The following NOVA1 variants were observed in gnomAD, a reference collection of about 807,000 sequenced individuals.
The protein encoded by NOVA1 is RNA-binding protein Nova-1.
NOVA1 carries 7 observed loss-of-function variants against 38.0 expected under a neutral mutation model. The ratio of observed to expected loss-of-function variants is 0.18; its 90% confidence interval spans 0.10 to 0.35. The LOEUF (loss-of-function observed/expected upper bound fraction) is 0.35, where lower values mean the gene tolerates loss of function less well. NOVA1 is among the 10% of genes least tolerant of loss of function. The probability of loss-of-function intolerance (pLI) is 1.00; values close to 1 mark genes in which losing one functional copy is unlikely to be tolerated. For synonymous variants in NOVA1, 270 were observed against 232.5 expected (o/e 1.16, Z -1.47); for missense variants, 460 against 616.0 (o/e 0.75, Z 2.68).
At chr14:26,514,005 T>A (rs1197453584) in intron 2 of NOVA1, among the ~76,000 whole-genome samples, 1 of 151,750 alleles carries the variant, frequency 6.6e-6, no homozygotes, top group African/African-American at 2.4e-5. Context: ...TTTATGAATG[T>A]AACATTCAAA....
In NOVA1 at chr14:26,448,877, C is replaced by T; in HGVS notation, c.606G>A (p.Gly202=). The change falls in exon 5 of 5, where the codon GGG becomes GGA. Residue 202 remains glycine, a synonymous_variant. Transcript: ENST00000539517. The surrounding 1 kb of genome is among the most constrained non-coding windows in gnomAD (Gnocchi z 5.3). ...GTTTCTGGGAAAGCTGCACCCAAGC[C>T]CCTGACTGCTCCATTACAGCCTTCA... is the stretch of plus-strand genomic sequence containing the variant. ...ATVKAVMEQS[G]AWVQLSQKPD... is the part of the protein sequence containing the mutation. 6.2e-7 allele frequency: 1 copy of T among 1,614,082 alleles called. No homozygotes were observed. Among genetic ancestry groups the T allele is most frequent in the East Asian group, 2.2e-5 (1 of 44,868 alleles).
At chr14:26,586,949 C>G (rs1594586185) in intron 2 of NOVA1, among the ~76,000 whole-genome samples, 1 of 141,946 alleles carries the variant, frequency 7.0e-6, no homozygotes, top group African/African-American at 2.6e-5. Flanking sequence ...CATTTTAAGA[C>G]TAGGAGAGAG....
Position 26,595,290 on chromosome 14 carries a change from C to T in NOVA1, c.280+120G>A, listed in dbSNP as rs961379493. On this transcript the variant is annotated intron_variant, in intron 2 of 4. Transcript: ENST00000539517. ...TTTTCCACAATATATTCCTATAAAG[C>T]AATATCTAAATAAAGTCTCCAGTAT... 13 of 924,534 alleles carry T rather than the reference C, an allele frequency of 1.4e-5. No homozygotes were observed. The African/African-American group carries it at 1.7e-4, about 12-fold the overall frequency. 57.3% of individuals were successfully genotyped at this position (924,534 alleles called of 1,614,324 possible). A position where few individuals can be genotyped will look rare whatever the true frequency, so the allele number is the denominator to read the frequency against.
intron 2 of NOVA1, among the ~76,000 whole-genome samples, chr14:26,561,653 GT>G (rs970909311): frequency 2.6e-5 from 4 of 151,986 alleles, no homozygotes; most frequent in African/African-American, 7.2e-5. Flanking sequence ...ATTGAACATA[GT>G]TTTTTTAAAC....
At chr14:26,578,291 T>C (rs1451891813) in intron 2 of NOVA1, among the ~76,000 whole-genome samples, 1 of 151,800 alleles carries the variant, frequency 6.6e-6, no homozygotes, top group African/African-American at 2.4e-5. Flanking sequence ...GGGCAACAAA[T>C]TTGAAGAATT....
At position 26,597,702 on chromosome 14, in the gene NOVA1, G is replaced by A; in HGVS notation, c.-266C>T. ...GAATGGAGGGGGTGTGAGAGACGGA[G>A]GGTGAAAGAAGAAGAAGAAAGGAGA... On this transcript the variant is annotated 5_prime_UTR_variant, in exon 1 of 5. Transcript: ENST00000539517. 8.7e-7 allele frequency: 1 copy of A among 1,149,412 alleles called. No homozygotes were observed. Among genetic ancestry groups the A allele is most frequent in the Non-Finnish European group, 1.1e-6 (1 of 938,344 alleles). 71.2% of individuals were successfully genotyped at this position (1,149,412 alleles called of 1,614,324 possible). A position where few individuals can be genotyped will look rare whatever the true frequency, so the allele number is the denominator to read the frequency against.
chr14:26,470,136 AT>A, intron 4 of NOVA1: 3 of 684,774 alleles, frequency 4.4e-6, no homozygotes, highest in Non-Finnish European at 5.6e-6. Flanking sequence ...TGTATTTTTT[AT>A]TTTTGGTTTT....
chr14:26,520,719 G>A (rs1056835535), intron 2 of NOVA1, among the ~76,000 whole-genome samples: 3 of 152,002 alleles, frequency 2.0e-5, no homozygotes, highest in African/African-American at 7.2e-5. Context: ...TTAGTGAGGG[G>A]ACAAATTTGC....
At chr14:26,593,572 G>A (rs537368530) in intron 2 of NOVA1, 1 of 151,896 alleles carries the variant, frequency 6.6e-6, no homozygotes, top group African/African-American at 2.4e-5. Flanking sequence ...ATTTGATCAG[G>A]TTACGTCACC....
intron 2 of NOVA1, among the ~76,000 whole-genome samples, chr14:26,585,850 C>T (rs1893484143): frequency 6.6e-6 from 1 of 151,250 alleles, no homozygotes; most frequent in Non-Finnish European, 1.5e-5. Context: ...TACCCTAACA[C>T]TTCTATGCAT....
intron 4 of NOVA1, among the ~76,000 whole-genome samples, chr14:26,465,252 G>T (rs1274534362): frequency 6.6e-6 from 1 of 152,080 alleles, no homozygotes; most frequent in Non-Finnish European, 1.5e-5. Context: ...TCAGCTCACT[G>T]GAACCTCCGC....
chr14:26,574,873 G>A (rs996371646), intron 2 of NOVA1, among the ~76,000 whole-genome samples: 2 of 151,920 alleles, frequency 1.3e-5, no homozygotes, highest in African/African-American at 2.4e-5. Context: ...TGTTGCCCAG[G>A]CTGGTCTGAA....
chr14:26,561,707 T>C (rs550673626), intron 2 of NOVA1, among the ~76,000 whole-genome samples: 3 of 152,340 alleles, frequency 2.0e-5, no homozygotes, highest in African/African-American at 4.8e-5. Flanking sequence ...TATTTTAAAT[T>C]TCAAGTATTT....
chr14:26,506,140 A>G (rs963306491), intron 2 of NOVA1, among the ~76,000 whole-genome samples: 1 of 152,252 alleles, frequency 6.6e-6, no homozygotes, highest in Non-Finnish European at 1.5e-5. Flanking sequence ...CCTTCTAATA[A>G]TGCAATGTTA....
chr14:26,565,985 G>T (rs1026526148), intron 2 of NOVA1, among the ~76,000 whole-genome samples: 1 of 152,120 alleles, frequency 6.6e-6, no homozygotes, highest in African/African-American at 2.4e-5. Flanking sequence ...GCAATTGAAA[G>T]ATAGGCAGGA....
At position 26,543,319 on chromosome 14, in the gene NOVA1, CT is replaced by C. The variant is rs1890586410; in HGVS notation, c.280+52090del. On this transcript the variant is annotated intron_variant, in intron 2 of 4. Coordinates refer to ENST00000539517, the MANE Select transcript of NOVA1 (RefSeq NM_002515.3). The stretch of plus-strand genomic sequence containing the variant: ...ATTAATTACTTAACAATTTTATAAA[CT>C]TCAATCTGAGTGTTCAGAAGAGATT... 2.0e-5 allele frequency among the ~76,000 whole-genome samples: 3 copies of C among 151,948 alleles called. No individual in the cohort carries two copies. In the South Asian group the frequency reaches 6.2e-4, roughly 31 times the overall value.
chr14:26,571,144 A>T lies in NOVA1; in HGVS notation c.280+24266T>A, dbSNP rs548256994. 9.4e-5 allele frequency among the ~76,000 whole-genome samples: 14 copies of T among 149,098 alleles called. No individual in the cohort carries two copies. The East Asian group carries it at 1.8e-3, about 19-fold the overall frequency. On this transcript the variant is annotated intron_variant, in intron 2 of 4. Coordinates refer to ENST00000539517, the MANE Select transcript of NOVA1 (RefSeq NM_002515.3). ...TTTTGAATTAAATAATATGGATTAA[A>T]ATATATATATATATATGATGTTTAA...
chr14:26,560,880 T>G (rs1891778189), intron 2 of NOVA1, among the ~76,000 whole-genome samples: 1 of 152,200 alleles, frequency 6.6e-6, no homozygotes, highest in Admixed American at 6.5e-5. Context: ...TTATTATTAC[T>G]GCTGCTGCTT....
intron 2 of NOVA1, among the ~76,000 whole-genome samples, chr14:26,493,428 C>A (rs978947281): frequency 4.6e-5 from 7 of 152,176 alleles, no homozygotes; most frequent in Non-Finnish European, 1.0e-4. Context: ...TCTCTCCTAT[C>A]CTTGTCTCTT....
Sources: allele counts gnomAD v4.1 joint callset (sites outside exome capture counted in the v4.1 genomes callset), GRCh38; gene constraint gnomAD v4.1.1; non-coding constraint Gnocchi (gnomAD v3.1); transcripts MANE v1.5; gene names NCBI Gene and HGNC (gene_info 2026-07-23, HGNC 2026-07-21).